Variants in SLC26A7 observed in about 807,000 individuals in gnomAD.
The protein encoded by SLC26A7 is anion exchange transporter.
In SLC26A7, 59 loss-of-function variants were observed where a neutral mutation model predicts 82.5. That is an observed-to-expected ratio of 0.72 (90% CI 0.58 to 0.89). The LOEUF (loss-of-function observed/expected upper bound fraction) is 0.89, where lower values mean the gene tolerates loss of function less well. Ranked by LOEUF, SLC26A7 falls within the 40% of genes least tolerant of loss-of-function variation. The probability of loss-of-function intolerance (pLI) is 0.00; values close to 1 mark genes in which losing one functional copy is unlikely to be tolerated. For missense variants in SLC26A7, 820 were observed against 793.0 expected (o/e 1.03, Z -0.41); for synonymous variants, 271 against 274.3 (o/e 0.99, Z 0.12).
chr8:91,366,752 C>T, intron 14 of SLC26A7, 35 bp downstream of exon 14: 2 of 1,589,530 alleles, frequency 1.3e-6, no homozygotes, highest in Non-Finnish European at 1.7e-6. Context: ...TGTCATACTA[C>T]ATGTAGCCTT....
At chr8:91,291,838 T>C (rs577273393) in intron 3 of SLC26A7, among the ~76,000 whole-genome samples, 1 of 152,332 alleles carries the variant, frequency 6.6e-6, no homozygotes, top group East Asian at 1.9e-4. Context: ...CTGTAGTCAT[T>C]CAACATTAAA....
At chr8:91,245,092 A>G (rs1330872133), upstream of SLC26A7, among the ~76,000 whole-genome samples, 3 of 152,184 alleles carry the variant, frequency 2.0e-5, no homozygotes, top group African/African-American at 4.8e-5. Context: ...ATGTGCGTCC[A>G]TATTTGAATG....
intron 16 of SLC26A7, among the ~76,000 whole-genome samples, chr8:91,393,168 T>C (rs910711577): frequency 6.6e-6 from 1 of 152,186 alleles, no homozygotes; most frequent in African/African-American, 2.4e-5. Flanking sequence ...CAGAAGTTCA[T>C]AGACTGACTT....
chr8:91,316,060 A>T (rs1812621821), intron 4 of SLC26A7, among the ~76,000 whole-genome samples: 1 of 152,182 alleles, frequency 6.6e-6, no homozygotes, highest in Non-Finnish European at 1.5e-5. Flanking sequence ...ATGAAAATCC[A>T]CTGTAATTCA....
At position 91,369,782 on chromosome 8, in the gene SLC26A7, T is replaced by C; in HGVS notation, c.1627-3T>C. 1.3e-6 allele frequency: 2 copies of C among 1,578,216 alleles called. No homozygotes were observed. Among genetic ancestry groups the C allele is most frequent in the Non-Finnish European group, 8.6e-7 (1 of 1,163,722 alleles). On this transcript the variant is annotated splice_region_variant and splice_polypyrimidine_tract_variant and intron_variant, in intron 14 of 18. Transcript: ENST00000276609. Reference sequence around the variant, plus strand: ...TTCTTCTTTATGTTTGTTTTTATTTTAGTGTGAACAAAACACATTGCTTAA... The same window carrying C: ...TTCTTCTTTATGTTTGTTTTTATTTCAGTGTGAACAAAACACATTGCTTAA...
intron 2 of SLC26A7, among the ~76,000 whole-genome samples, chr8:91,235,244 G>A (rs1179515837): frequency 6.6e-6 from 1 of 152,122 alleles, no homozygotes; most frequent in Non-Finnish European, 1.5e-5. Flanking sequence ...AATTTCTGCA[G>A]GGTAGAATTA....
At chr8:91,311,115 A>G (rs1039656576) in intron 4 of SLC26A7, among the ~76,000 whole-genome samples, 2 of 152,180 alleles carry the variant, frequency 1.3e-5, no homozygotes, top group African/African-American at 4.8e-5. Context: ...CCCTACCCCC[A>G]TGGGAAACAA....
At chr8:91,388,281 C>G (rs1045184995) in intron 15 of SLC26A7, among the ~76,000 whole-genome samples, 1 of 149,760 alleles carries the variant, frequency 6.7e-6, no homozygotes, top group Non-Finnish European at 1.5e-5. Context: ...TAGTCTCGCT[C>G]TGTTGCCCAG....
intron 5 of SLC26A7, 61 bp from the exon 6 acceptor site, chr8:91,334,234 T>G (rs560397507): frequency 6.9e-7 from 1 of 1,454,612 alleles, no homozygotes; most frequent in African/African-American, 1.4e-5. Context: ...GGGCCATATT[T>G]TCATGTTGGT....
rs546793583 is a variant in SLC26A7, at chr8:91,358,188, G to T, written c.1315-4165G>T. 2.6e-5 allele frequency among the ~76,000 whole-genome samples: 4 copies of T among 152,220 alleles called. No individual in the cohort carries two copies. In the East Asian group the frequency reaches 7.7e-4, roughly 29 times the overall value. ...GACTGTAAACTAGTTCAACCATTGT[G>T]GAAGACCGTGTGGCAATTCTTCAGG... On this transcript the variant is annotated intron_variant, in intron 11 of 18. Transcript: ENST00000276609.
intron 2 of SLC26A7, among the ~76,000 whole-genome samples, chr8:91,234,823 A>C (rs1381169682): frequency 0.017 from 1,286 of 74,118 alleles, 9 homozygotes; most frequent in Non-Finnish European, 0.021. Flanking sequence ...CTACCTACCT[A>C]CCTACTTCCT....
At chr8:91,367,488 G>A (rs536043746) in intron 14 of SLC26A7, among the ~76,000 whole-genome samples, 1 of 152,178 alleles carries the variant, frequency 6.6e-6, no homozygotes, top group African/African-American at 2.4e-5. Flanking sequence ...AATCAAATGT[G>A]CATCAATATG....
At chr8:91,296,604 T>C (rs771444283) in intron 4 of SLC26A7, among the ~76,000 whole-genome samples, 1 of 152,190 alleles carries the variant, frequency 6.6e-6, no homozygotes, top group Non-Finnish European at 1.5e-5. Context: ...AGAGTTACAT[T>C]GCCTTCTAGC....
chr8:91,325,114 C>A (rs980475234), intron 5 of SLC26A7, among the ~76,000 whole-genome samples: 1 of 152,144 alleles, frequency 6.6e-6, no homozygotes, highest in African/African-American at 2.4e-5. Flanking sequence ...AATAGTGAGA[C>A]AAGACCAAGA....
chr8:91,307,964 A>T (rs1050264392), intron 4 of SLC26A7, among the ~76,000 whole-genome samples: 1 of 152,062 alleles, frequency 6.6e-6, no homozygotes, highest in Non-Finnish European at 1.5e-5. Context: ...CTTCCAAAGC[A>T]CTGGGATTAT....
chr8:91,394,181 T>C (rs1388437297), intron 18 of SLC26A7, 142 bp downstream of exon 18: 2 of 1,610,952 alleles, frequency 1.2e-6, no homozygotes, highest in Admixed American at 1.7e-5. Flanking sequence ...TCAGACTTTC[T>C]ATTACAGGTA....
chr8:91,304,756 G>C (rs1812257943), intron 4 of SLC26A7, among the ~76,000 whole-genome samples: 1 of 152,184 alleles, frequency 6.6e-6, no homozygotes, highest in Non-Finnish European at 1.5e-5. Context: ...CATTGTTCTA[G>C]CTCTTTCCCA....
intron 15 of SLC26A7, among the ~76,000 whole-genome samples, chr8:91,384,764 G>GAGGAAGGA (rs34207560): frequency 2.6e-4 from 39 of 150,018 alleles, no homozygotes; most frequent in Middle Eastern, 3.4e-3. Flanking sequence ...TGACTGCTGG[G>GAGGAAGGA]AGGAAGGAAG....
intron 4 of SLC26A7, among the ~76,000 whole-genome samples, chr8:91,301,709 T>A (rs1290983849): frequency 1.3e-5 from 2 of 152,008 alleles, no homozygotes; most frequent in Non-Finnish European, 2.9e-5. Context: ...TCTCTGCTTT[T>A]ATCTTTATTA....
Sources: gnomAD v4.1 joint callset for allele counts (sites outside exome capture counted in the v4.1 genomes callset) on GRCh38, gnomAD v4.1.1 for gene constraint, MANE v1.5 for transcripts, NCBI Gene and HGNC (gene_info 2026-07-23, HGNC 2026-07-21) for gene names.